UBXN11: variants seen among roughly 807,000 people sequenced by gnomAD.
UBXN11 encodes the protein UBX domain protein 11.
UBXN11 carries 47 observed loss-of-function variants against 62.8 expected under a neutral mutation model. The ratio of observed to expected loss-of-function variants is 0.75; its 90% CI spans 0.59 to 0.95. The LOEUF (loss-of-function observed/expected upper bound fraction) is 0.95. UBXN11 is among the 40% of genes least tolerant of loss of function. The pLI is 0.00. For missense variants in UBXN11, 638 were observed against 661.7 expected (o/e 0.96, Z 0.39); for synonymous variants, 294 against 267.0 (o/e 1.10, Z -0.99).
chr1:26,284,141 C>T lies in UBXN11; in HGVS notation c.1077+1G>A, dbSNP rs762903368. 42 of 1,606,020 alleles carry T rather than the reference C, an allele frequency of 2.6e-5. No homozygotes were observed. Among genetic ancestry groups the T allele is most frequent in the Middle Eastern group, 3.3e-4 (2 of 6,028 alleles). ...GCTGGGGGAGTTAGCATTGGCCTCA[C>T]CTGCAAGGTGTCCCTGATGGGGCCC... On this transcript the variant is annotated splice_donor_variant, in intron 12 of 14. Transcript: ENST00000374222. LOFTEE classifies it high-confidence loss of function.
chr1:26,301,158 T>G, intron 3 of UBXN11, 134 bp from the exon 4 acceptor site: 1 of 1,513,930 alleles, frequency 6.6e-7, no homozygotes, highest in Non-Finnish European at 8.8e-7. Flanking sequence ...TTCACAAGGC[T>G]GGGGAGCAAG....
intron 4 of UBXN11, among the ~76,000 whole-genome samples, chr1:26,299,553 AGGT>A (rs1052072705): frequency 6.7e-6 from 1 of 148,464 alleles, no homozygotes; most frequent in African/African-American, 2.5e-5. Flanking sequence ...AGAAAAAAGG[AGGT>A]GGTGATGACA....
chr1:26,305,677 T>TA (rs5773155), intron 1 of UBXN11, among the ~76,000 whole-genome samples: 132,755 of 152,002 alleles, frequency 0.87, 58,941 homozygotes, highest in Non-Finnish European at 0.93. Context: ...AAAGCTGTCA[T>TA]GGGAAAAAAA....
chr1:26,309,060 G>A (rs552068257), upstream of UBXN11, among the ~76,000 whole-genome samples: 83 of 147,416 alleles, frequency 5.6e-4, 1 homozygote, highest in African/African-American at 1.7e-3. Context: ...AGCCTCCCAA[G>A]TAGCTGGGAC....
At chr1:26,294,406 A>G (rs1002269615) in intron 7 of UBXN11, 75 bp from the exon 8 acceptor site, 5 of 1,572,812 alleles carry the variant, frequency 3.2e-6, no homozygotes, top group Admixed American at 3.5e-5. Flanking sequence ...GTCAGCCCAA[A>G]GCCCAGCCTC....
At position 26,282,928 on chromosome 1, in the gene UBXN11, G is replaced by GGCA; in HGVS notation, c.1084_1086dup (p.Cys362dup). 1 of 1,614,202 alleles carries GGCA rather than the reference G, an allele frequency of 6.2e-7. No homozygotes were observed. Among genetic ancestry groups the GGCA allele is most frequent in the African/African-American group, 1.3e-5 (1 of 75,052 alleles). On this transcript the variant is annotated inframe_insertion, in exon 13 of 15. Coordinates refer to ENST00000374222, the MANE Select transcript of UBXN11 (RefSeq NM_001389556.1). Reference sequence around the variant, plus strand: ...ATCTCCTGGATCCGGGCAGGCAATGGGCAGCAGTTCTGGAAGGTATCAGTG... The same window carrying GGCA: ...ATCTCCTGGATCCGGGCAGGCAATGGGCAGCAGCAGTTCTGGAAGGTATCAGTG...
chr1:26,283,362 C>T (rs757036177), intron 12 of UBXN11, among the ~76,000 whole-genome samples: 8 of 152,158 alleles, frequency 5.3e-5, no homozygotes, highest in Non-Finnish European at 7.3e-5. Flanking sequence ...CTAGAGGTGG[C>T]GACACATTTG....
In UBXN11 at chr1:26,302,796, T is replaced by G. The variant is rs1211185901; in HGVS notation, c.71+17A>C. 1 of 1,610,986 alleles carries G rather than the reference T, an allele frequency of 6.2e-7. No individual in the cohort carries two copies. Among genetic ancestry groups the G allele is most frequent in the Non-Finnish European group, 8.5e-7 (1 of 1,178,116 alleles). ...ACAGAGGCGGGGACAGAAAGACCCCTGAGGCTGGCTCCTTACCCAGGATTC... is the reference window on the plus strand; with the variant it reads ...ACAGAGGCGGGGACAGAAAGACCCCGGAGGCTGGCTCCTTACCCAGGATTC... On this transcript the variant is annotated intron_variant, in intron 2 of 14. Transcript: ENST00000374222.
At chr1:26,305,449 AAAC>A (rs2073642712) in intron 1 of UBXN11, among the ~76,000 whole-genome samples, 1 of 152,134 alleles carries the variant, frequency 6.6e-6, no homozygotes, top group Admixed American at 6.6e-5. Context: ...TCGTCAGCCT[AAAC>A]AAACCCTGTA....
Position 26,286,017 on chromosome 1 carries a change from C to T in UBXN11, c.580G>A (p.Glu194Lys). 1 of 1,606,628 alleles carries T rather than the reference C, an allele frequency of 6.2e-7. No individual in the cohort carries two copies. Among genetic ancestry groups the T allele is most frequent in the South Asian group, 1.1e-5 (1 of 90,736 alleles). The change falls in exon 9 of 15, where the codon GAG becomes AAG. Residue 194 changes from glutamate (E) to lysine (K), a missense_variant. Physicochemically the swap from Glu to Lys is moderately conservative, Grantham distance 56. Transcript: ENST00000374222. ...GCCAGCAGCCTGTCAAAGTCCACCT[C>T]AGGGGGCGCCAATGAGTCCCCTGGC... ...WKPGDSLAPP[E>K]VDFDRLLASL...
Position 26,297,498 on chromosome 1 carries a change from A to T in UBXN11, c.301-17T>A, listed in dbSNP as rs772250740. The T allele has an allele frequency of 5.2e-6, 8 of 1,548,448 alleles. No individual in the cohort carries two copies. Among genetic ancestry groups the T allele is most frequent in the South Asian group, 1.2e-5 (1 of 83,666 alleles). Reference sequence around the variant, plus strand: ...CTTCTGATCCTGTAGCATAAGACACAGGGTGAGCACAGGGCCTGTGGTTCC... The same window carrying T: ...CTTCTGATCCTGTAGCATAAGACACTGGGTGAGCACAGGGCCTGTGGTTCC... On this transcript the variant is annotated splice_polypyrimidine_tract_variant and intron_variant, in intron 5 of 14. Transcript: ENST00000374222.
intron 8 of UBXN11, among the ~76,000 whole-genome samples, chr1:26,288,399 A>G (rs1180461895): frequency 6.6e-6 from 1 of 152,192 alleles, no homozygotes; most frequent in Non-Finnish European, 1.5e-5. Context: ...TGGCCCAGGC[A>G]GATGCTGGAT....
In UBXN11 at chr1:26,297,950, C is replaced by G. The variant is rs1301331375; in HGVS notation, c.300+12G>C. 20 of 1,612,636 alleles carry G rather than the reference C, an allele frequency of 1.2e-5. No homozygotes were observed. Among genetic ancestry groups the G allele is most frequent in the African/African-American group, 2.7e-5 (2 of 74,916 alleles). On this transcript the variant is annotated intron_variant, in intron 5 of 14. Transcript: ENST00000374222. ...AGACCGGCCCCTGGCCCTCTCCCAC[C>G]TGGAGCCCCACCTTGGACAGTATCT...
rs56039743 is a variant in UBXN11 at position 26,294,315 on chromosome 1, T to C, written c.449A>G (p.Tyr150Cys). 8.0e-3 allele frequency: 12,988 copies of C among 1,613,456 alleles called. 64 individuals carry two copies. The highest frequency in any genetic ancestry group is 9.5e-3 in the Admixed American group (570 of 59,950). Residue 150 changes from tyrosine (Y) to cysteine (C), a missense_variant, in exon 8 of 15, where the codon TAT (tyrosine) becomes TGT (cysteine). Tyr to Cys is a radical substitution (Grantham distance 194). Coordinates refer to ENST00000374222, the MANE Select transcript of UBXN11 (RefSeq NM_001389556.1). ...GGGCTCGCCCACCCACTGCAGGCCA[T>C]AGTCACTGAGGAACCGCTGTGGGAA... ...VREMERFLSD[Y>C]GLQWVGEPMD...
At chr1:26,291,035 A>C (rs1165504952) in intron 8 of UBXN11, among the ~76,000 whole-genome samples, 2 of 152,048 alleles carry the variant, frequency 1.3e-5, no homozygotes, top group Non-Finnish European at 2.9e-5. Context: ...GCCTGAGGCC[A>C]AGCCCCTTCA....
chr1:26,299,109 T>C (rs1483813423), intron 4 of UBXN11, among the ~76,000 whole-genome samples: 4 of 152,202 alleles, frequency 2.6e-5, no homozygotes, highest in African/African-American at 9.6e-5. Context: ...TATAGTTAAA[T>C]GCATCTTAAT....
chr1:26,293,542 A>G (rs2073322368), intron 8 of UBXN11, among the ~76,000 whole-genome samples: 1 of 152,038 alleles, frequency 6.6e-6, no homozygotes, highest in Non-Finnish European at 1.5e-5. Context: ...CCTGGCCAAC[A>G]TGGTAAAACC....
At chr1:26,313,263 C>T (rs559449518) in intron 1 of UBXN11, among the ~76,000 whole-genome samples, 118 of 152,238 alleles carry the variant, frequency 7.8e-4, no homozygotes, top group African/African-American at 2.8e-3. Flanking sequence ...TGCTAGGCCC[C>T]AGGGACAGTC....
chr1:26,301,094 C>A, intron 3 of UBXN11, 70 bp from the exon 4 acceptor site: 1 of 1,610,556 alleles, frequency 6.2e-7, no homozygotes, highest in East Asian at 2.2e-5. Context: ...CCTGGGCCCT[C>A]GCCAGTGTGA....
Sources: gnomAD v4.1 joint callset for allele counts (sites outside exome capture counted in the v4.1 genomes callset) on GRCh38, gnomAD v4.1.1 for gene constraint, MANE v1.5 for transcripts, NCBI Gene and HGNC (gene_info 2026-07-23, HGNC 2026-07-21) for gene names.